Variants in MFAP1 observed in about 807,000 individuals in gnomAD.
MFAP1 encodes microfibril associated protein 1.
Under a neutral mutation model 62.2 loss-of-function variants are expected in MFAP1, and 18 were observed. That is an observed-to-expected ratio of 0.29 (90% CI 0.20 to 0.43). MFAP1 has a LOEUF of 0.43. Among genes scored for constraint, MFAP1 ranks in the 20% least tolerant of loss-of-function variants. The pLI, the probability that MFAP1 is intolerant of heterozygous loss-of-function variation, is 1.00. For missense variants in MFAP1, 355 were observed against 559.7 expected (o/e 0.63, Z 3.69); for synonymous variants, 175 against 180.4 (o/e 0.97, Z 0.24).
chr15:43,820,656 A>G (rs2087461812), intron 1 of MFAP1, among the ~76,000 whole-genome samples: 1 of 152,148 alleles, frequency 6.6e-6, no homozygotes, highest in Non-Finnish European at 1.5e-5. Context: ...CCTAGGGTGG[A>G]GTGCGGTGGC....
Position 43,813,146 on chromosome 15 carries a change from A to G in MFAP1, c.728T>C (p.Ile243Thr), listed in dbSNP as rs1427921199. The part of the protein sequence containing the change: ...AEERRKYTLK[I>T]VEEETKKELE... ...CTCTTTTTTGGTTTCCTCTTCGACA[A>G]TCTGGATAGGGAGAACAATTCAGCT... The change falls in exon 6 of 9, where the codon ATT (isoleucine) becomes ACT (threonine). Residue 243 changes from isoleucine (I) to threonine (T), a missense_variant and splice_region_variant. Coordinates refer to ENST00000267812, the MANE Select transcript of MFAP1 (RefSeq NM_005926.3). The G allele has an allele frequency of 2.5e-6, 4 of 1,614,052 alleles. No individual in the cohort carries two copies. The highest frequency in any genetic ancestry group is 1.7e-5 in the Admixed American group (1 of 59,990).
At chr15:43,809,686 A>C (rs1014543835) in intron 7 of MFAP1, 69 bp downstream of exon 7, 4 of 1,546,136 alleles carry the variant, frequency 2.6e-6, no homozygotes, top group Admixed American at 3.7e-5. Flanking sequence ...ATTCTTGAAG[A>C]GAAAAATAAT....
In MFAP1 at chr15:43,824,604, C is replaced by G; in HGVS notation, c.-35G>C. The G allele has an allele frequency of 1.2e-6, 2 of 1,611,908 alleles. No individual in the cohort carries two copies. The highest frequency in any genetic ancestry group is 1.7e-6 in the Non-Finnish European group (2 of 1,178,004). On this transcript the variant is annotated 5_prime_UTR_variant, in exon 1 of 9. Coordinates refer to ENST00000267812, the MANE Select transcript of MFAP1 (RefSeq NM_005926.3). ...AGCGACGGTGATTCCCGAAACTTGA[C>G]TAATTCCAAACAGTGAACACCAGCA... is the stretch of plus-strand genomic sequence containing the variant.
intron 2 of MFAP1, among the ~76,000 whole-genome samples, chr15:43,815,399 A>C (rs562485188): frequency 2.6e-5 from 4 of 152,114 alleles, no homozygotes; most frequent in Non-Finnish European, 5.9e-5. Context: ...GCTGGTCTTG[A>C]ACTCCTGGAC....
At chr15:43,811,925 T>C (rs2087403843) in intron 6 of MFAP1, among the ~76,000 whole-genome samples, 1 of 151,996 alleles carries the variant, frequency 6.6e-6, no homozygotes, top group Admixed American at 6.6e-5. Context: ...GCATGATGGC[T>C]CATGCCATAA....
chr15:43,814,733 C>G (rs2087423732), intron 3 of MFAP1, 45 bp from the exon 4 acceptor site: 2 of 1,589,000 alleles, frequency 1.3e-6, no homozygotes, highest in South Asian at 2.3e-5. Context: ...TGGCCTATGG[C>G]TTTTTGTTCG....
intron 7 of MFAP1, among the ~76,000 whole-genome samples, chr15:43,805,824 A>G (rs1234079456): frequency 6.6e-6 from 1 of 152,082 alleles, no homozygotes; most frequent in Non-Finnish European, 1.5e-5. Context: ...GTGTTAGCCC[A>G]GATGGTCTCG....
At chr15:43,823,224 G>A (rs991895292) in intron 1 of MFAP1, among the ~76,000 whole-genome samples, 2 of 152,070 alleles carry the variant, frequency 1.3e-5, no homozygotes, top group Admixed American at 6.6e-5. Flanking sequence ...GGCCTCAAGC[G>A]ATCCTCCTGC....
intron 1 of MFAP1, among the ~76,000 whole-genome samples, chr15:43,820,338 C>A (rs1052246109): frequency 5.3e-5 from 8 of 151,696 alleles, no homozygotes; most frequent in Admixed American, 2.0e-4. Flanking sequence ...ACAACAACAA[C>A]AAAAAAAACC....
At chr15:43,822,984 G>A (rs925995098) in intron 1 of MFAP1, among the ~76,000 whole-genome samples, 1 of 151,358 alleles carries the variant, frequency 6.6e-6, no homozygotes, top group Non-Finnish European at 1.5e-5. Flanking sequence ...GATTACAGGC[G>A]CCTGCCACCA....
intron 6 of MFAP1, among the ~76,000 whole-genome samples, chr15:43,811,639 C>T (rs983326785): frequency 2.6e-5 from 4 of 151,532 alleles, no homozygotes; most frequent in Non-Finnish European, 4.4e-5. Context: ...TCCCGAGTAG[C>T]TGGGAATAAC....
At chr15:43,822,579 G>A (rs1567178268) in intron 1 of MFAP1, among the ~76,000 whole-genome samples, 1 of 151,968 alleles carries the variant, frequency 6.6e-6, no homozygotes, top group Non-Finnish European at 1.5e-5. Flanking sequence ...TCACCATGTT[G>A]GCCAGGCTGG....
At chr15:43,817,506 A>G in intron 1 of MFAP1, 58 bp from the exon 2 acceptor site, 1 of 1,568,600 alleles carries the variant, frequency 6.4e-7, no homozygotes, top group Non-Finnish European at 8.7e-7. Flanking sequence ...GCTTCAACCC[A>G]TCACGGCCTT....
intron 2 of MFAP1, 110 bp from the exon 3 acceptor site, chr15:43,815,184 G>GTTTTTT: frequency 8.5e-7 from 1 of 1,180,134 alleles, no homozygotes; most frequent in Non-Finnish European, 1.2e-6. Flanking sequence ...TAATACTGAA[G>GTTTTTT]TTTTTTTTTT....
At chr15:43,822,850 A>T (rs2087474905) in intron 1 of MFAP1, among the ~76,000 whole-genome samples, 1 of 150,938 alleles carries the variant, frequency 6.6e-6, no homozygotes, top group Non-Finnish European at 1.5e-5. Context: ...TATTATTATT[A>T]TTTTTGAGAC....
At chr15:43,818,160 C>T (rs149631938) in intron 1 of MFAP1, among the ~76,000 whole-genome samples, 2 of 152,118 alleles carry the variant, frequency 1.3e-5, no homozygotes, top group African/African-American at 2.4e-5. Flanking sequence ...GCTGGGACTA[C>T]AGACGCATGC....
chr15:43,823,878 G>C (rs190481429), intron 1 of MFAP1, among the ~76,000 whole-genome samples: 112 of 152,288 alleles, frequency 7.4e-4, no homozygotes, highest in African/African-American at 2.5e-3. Flanking sequence ...CAGGAGGACA[G>C]CCTGAGCCCC....
intron 1 of MFAP1, 45 bp from the exon 2 acceptor site, chr15:43,817,493 T>A: frequency 6.2e-7 from 1 of 1,602,104 alleles, no homozygotes; most frequent in East Asian, 2.2e-5. Context: ...TCTTTCTCAA[T>A]GTGCTTCAAC....
At chr15:43,818,739 T>C (rs1400959568) in intron 1 of MFAP1, among the ~76,000 whole-genome samples, 2 of 151,214 alleles carry the variant, frequency 1.3e-5, no homozygotes. Context: ...CAAAAAAAAT[T>C]ACCCGGACAT....
Sources: allele counts gnomAD v4.1 joint callset (sites outside exome capture counted in the v4.1 genomes callset), GRCh38; gene constraint gnomAD v4.1.1; transcripts MANE v1.5; gene names NCBI Gene and HGNC (gene_info 2026-07-23, HGNC 2026-07-21).